The following LAMA3 variants were observed in gnomAD, a reference collection of about 807,000 sequenced individuals.
LAMA3 encodes laminin subunit alpha 3, also known as laminin subunit alpha-3.
A neutral mutation model predicts 402.0 loss-of-function variants in LAMA3; 281 were observed. The observed-to-expected ratio is 0.70, with a 90% CI of 0.63 to 0.77. LAMA3 has a LOEUF of 0.77. LAMA3 is among the 30% of genes least tolerant of loss of function. The pLI is 0.00. For missense variants in LAMA3, 3,840 were observed against 4,215.5 expected, an observed-to-expected ratio of 0.91 and a Z score of 2.47; for synonymous variants, 1,431 against 1,558.4, an observed-to-expected ratio of 0.92 and a Z score of 1.93.
In LAMA3 at chr18:23,791,366, T is replaced by A. The variant is rs529340275; in HGVS notation, c.1603+7209T>A. The stretch of plus-strand genomic sequence containing the variant: ...GATACAGTTACTTTTTAAAGATGCT[T>A]GGCTTTGATTAATAGGTTGAGCTTG... On this transcript the variant is annotated intron_variant, in intron 12 of 74. Coordinates refer to ENST00000313654, the MANE Select transcript of LAMA3 (RefSeq NM_198129.4). Among the ~76,000 whole-genome samples the A allele has an allele frequency of 2.6e-5, 4 of 152,324 alleles. No homozygotes were observed. The East Asian group carries it at 7.7e-4, about 29-fold the overall frequency.
At position 23,762,677 on chromosome 18, in the gene LAMA3, G is replaced by A. The variant is rs183546755; in HGVS notation, c.1064-728G>A. On this transcript the variant is annotated intron_variant, in intron 7 of 74. Transcript: ENST00000313654. ...TTGGGCAGTGCTCCTGCATTTCAGT[G>A]TACCTTCCTTTGAAGATATGATTAT... 3.3e-5 allele frequency among the ~76,000 whole-genome samples: 5 copies of A among 152,030 alleles called. No individual in the cohort carries two copies. In the East Asian group the frequency reaches 5.8e-4, roughly 18 times the overall value.
At chr18:23,776,153 A>G (rs1250373081) in intron 10 of LAMA3, among the ~76,000 whole-genome samples, 1 of 152,226 alleles carries the variant, frequency 6.6e-6, no homozygotes, top group Non-Finnish European at 1.5e-5. Context: ...AGAAATTGCC[A>G]TCTCAGTAGG....
chr18:23,893,706 G>A (rs1232322440), intron 42 of LAMA3, among the ~76,000 whole-genome samples: 8 of 152,256 alleles, frequency 5.3e-5, no homozygotes, highest in African/African-American at 1.7e-4. Context: ...TTTGTAACTT[G>A]TCTGCCCCCC....
At chr18:23,693,618 A>T (rs187053168) in intron 1 of LAMA3, among the ~76,000 whole-genome samples, 1 of 152,224 alleles carries the variant, frequency 6.6e-6, no homozygotes. Flanking sequence ...ACAGACTTCT[A>T]TAGCCTTCTA....
intron 44 of LAMA3, among the ~76,000 whole-genome samples, chr18:23,896,993 G>A (rs2080897202): frequency 1.3e-5 from 2 of 152,068 alleles, no homozygotes; most frequent in Admixed American, 1.3e-4. Flanking sequence ...CAAGAGATGA[G>A]TTCACTTCGG....
At chr18:23,876,510 C>G in intron 39 of LAMA3, 103 bp downstream of exon 39, 1 of 751,532 alleles carries the variant, frequency 1.3e-6, no homozygotes, top group South Asian at 1.5e-5. Flanking sequence ...CCGCCAAACC[C>G]TAAATAGAGG....
intron 60 of LAMA3, among the ~76,000 whole-genome samples, chr18:23,920,631 G>A (rs1044890897): frequency 1.3e-5 from 2 of 152,178 alleles, no homozygotes; most frequent in African/African-American, 4.8e-5. Flanking sequence ...TTAATGATCT[G>A]TATCTTTTCG....
At chr18:23,949,485 G>A (rs2082827849) in intron 70 of LAMA3, among the ~76,000 whole-genome samples, 1 of 152,096 alleles carries the variant, frequency 6.6e-6, no homozygotes, top group South Asian at 2.1e-4. Flanking sequence ...ACCTGCACTA[G>A]CCCGCCCTCC....
chr18:23,710,140 C>T lies in LAMA3; in HGVS notation c.295-3780C>T. 7.2e-6 allele frequency: 5 copies of T among 697,278 alleles called. 1 individual carries two copies. The highest frequency in any genetic ancestry group is 2.9e-5 in the East Asian group (1 of 34,040). 43.2% of individuals were successfully genotyped at this position (697,278 alleles called of 1,614,324 possible). ...TGGGCTGCCTCTGGAGTCGCCGTGT[C>T]GTGGGCCGCCGGAAGGTGGGTGACG... On this transcript the variant is annotated intron_variant, in intron 1 of 74. Coordinates refer to ENST00000313654, the MANE Select transcript of LAMA3 (RefSeq NM_198129.4).
chr18:23,905,976 GCT>G (rs1398806034), intron 52 of LAMA3, among the ~76,000 whole-genome samples: 1 of 151,956 alleles, frequency 6.6e-6, no homozygotes. Flanking sequence ...TGTTTCCCAG[GCT>G]GGGCTCAAAT....
intron 1 of LAMA3, among the ~76,000 whole-genome samples, chr18:23,694,687 C>T (rs1029594575): frequency 6.6e-6 from 1 of 152,228 alleles, no homozygotes; most frequent in Non-Finnish European, 1.5e-5. Flanking sequence ...ACTACTGTCA[C>T]AGACATGCTA....
At chr18:23,884,962 G>A in intron 41 of LAMA3, 109 bp downstream of exon 41, 1 of 723,058 alleles carries the variant, frequency 1.4e-6, no homozygotes, top group Non-Finnish European at 2.3e-6. Flanking sequence ...GAGTTTGACT[G>A]AGGCCTGGAA....
chr18:23,846,476 C>A lies in LAMA3; in HGVS notation c.3899C>A (p.Ala1300Glu), dbSNP rs1469141981. 1.9e-6 allele frequency: 3 copies of A among 1,612,016 alleles called. No individual in the cohort carries two copies. Among genetic ancestry groups the A allele is most frequent in the Non-Finnish European group, 2.5e-6 (3 of 1,180,024 alleles). ...ATCGGGCGGCAGTGCACCCGCTGTG[C>A]AACAGGCCACTACGGATTCCCACGC... ...NVIGRQCTRC[A>E]TGHYGFPRCK... The change falls in exon 31 of 75, where the codon GCA becomes GAA. Residue 1300 changes from alanine to glutamate, a missense_variant. Ala to Glu is a moderately radical substitution (Grantham distance 107). This residue lies in a region of LAMA3 where 2,109 missense variants were observed against 2,376.0 expected (regional missense o/e 0.89). Transcript: ENST00000313654.
rs548367206 is a variant in LAMA3, at chr18:23,725,195, C to T, written c.447+11123C>T. Among the ~76,000 whole-genome samples the T allele has an allele frequency of 2.6e-4, 39 of 151,988 alleles. No homozygotes were observed. The South Asian group carries it at 7.1e-3, about 28-fold the overall frequency. On this transcript the variant is annotated intron_variant, in intron 2 of 74. Transcript: ENST00000313654. ...CACGATCTCGGTTCACTGCAGCCTC[C>T]GCCTCCCAGGTTCCAGTGATTCTCC...
At chr18:23,950,256 C>A in intron 72 of LAMA3, 97 bp downstream of exon 72, 6 of 1,391,516 alleles carry the variant, frequency 4.3e-6, no homozygotes, top group South Asian at 1.2e-5. Flanking sequence ...GAATGGGATC[C>A]AATCTTGTAT....
Position 23,824,538 on chromosome 18 carries a change from TTGTATTAAGGCAGAAGGAGTCCTTCTGG to T in LAMA3, c.2546_2571+2del. The T allele has an allele frequency of 6.2e-7, 1 of 1,614,094 alleles. No homozygotes were observed. Among genetic ancestry groups the T allele is most frequent in the Non-Finnish European group, 8.5e-7 (1 of 1,179,970 alleles). ...CAATCACACCAGGAATATGGGTTGC[TTGTATTAAGGCAGAAGGAGTCCTTCTGG>T]TAAGACTTAGTTCTGAATGGAGAGC... On this transcript the variant is annotated splice_donor_variant and coding_sequence_variant, in exon 21 of 75. Coordinates refer to ENST00000313654, the MANE Select transcript of LAMA3 (RefSeq NM_198129.4). LOFTEE classifies it high-confidence loss of function.
In LAMA3 at chr18:23,919,534, T is replaced by A. The variant is rs191409431; in HGVS notation, c.7924-1401T>A. ...TGTGAAGAGCTGTATCAAGGAAAAG[T>A]TTGGGGGTGAAATGAGGATGTACAA... On this transcript the variant is annotated intron_variant, in intron 60 of 74. Coordinates refer to ENST00000313654, the MANE Select transcript of LAMA3 (RefSeq NM_198129.4). Among the ~76,000 whole-genome samples the A allele has an allele frequency of 2.2e-4, 33 of 152,096 alleles. No homozygotes were observed. The East Asian group carries it at 5.0e-3, about 23-fold the overall frequency.
rs1303193834 is a variant in LAMA3 at position 23,921,008 on chromosome 18, AAG to A, written c.8004_8005del (p.Gly2669SerfsTer36). 1.2e-6 allele frequency: 2 copies of A among 1,613,978 alleles called. No individual in the cohort carries two copies. Among genetic ancestry groups the A allele is most frequent in the Non-Finnish European group, 1.7e-6 (2 of 1,179,980 alleles). ...TACAAACTGAATTCAGAGCTACCAAAAGAGAGAGGAGTTGGAGACGCCATAAA... is the reference window on the plus strand; with the variant it reads ...TACAAACTGAATTCAGAGCTACCAAAAGAGAGGAGTTGGAGACGCCATAAA... On this transcript the variant is annotated frameshift_variant, in exon 61 of 75. Transcript: ENST00000313654. LOFTEE classifies it high-confidence loss of function.
At chr18:23,727,517 G>A (rs185830983) in intron 2 of LAMA3, among the ~76,000 whole-genome samples, 11 of 152,046 alleles carry the variant, frequency 7.2e-5, no homozygotes, top group Admixed American at 1.3e-4. Flanking sequence ...CTACAGATGG[G>A]GTTTTGCCAT....
Sources: allele counts gnomAD v4.1 joint callset (sites outside exome capture counted in the v4.1 genomes callset), GRCh38; gene constraint gnomAD v4.1.1; regional missense constraint gnomAD v4.1.1; transcripts MANE v1.5; gene names NCBI Gene and HGNC (gene_info 2026-07-23, HGNC 2026-07-21).